KMT2C: variants seen among roughly 807,000 people sequenced by gnomAD.
KMT2C encodes lysine methyltransferase 2C, also known as histone-lysine N-methyltransferase 2C.
A neutral mutation model predicts 507.9 loss-of-function variants in KMT2C; 88 were observed. That is an observed-to-expected ratio of 0.17 (90% CI 0.15 to 0.21). The LOEUF (loss-of-function observed/expected upper bound fraction) is 0.21, where lower values mean the gene tolerates loss of function less well. KMT2C is among the 10% of genes least tolerant of loss of function. The probability of loss-of-function intolerance (pLI) is 1.00; values close to 1 mark genes in which losing one functional copy is unlikely to be tolerated. For synonymous variants in KMT2C, 2,049 were observed against 2,080.8 expected (o/e 0.98, Z 0.42); for missense variants, 4,954 against 5,957.8 (o/e 0.83, Z 5.55).
At chr7:152,309,287 T>C (rs1366364751) in intron 6 of KMT2C, among the ~76,000 whole-genome samples, 1 of 151,470 alleles carries the variant, frequency 6.6e-6, no homozygotes, top group African/African-American at 2.4e-5. Context: ...AGTAACATAC[T>C]ACATTCCAAT....
intron 1 of KMT2C, among the ~76,000 whole-genome samples, chr7:152,403,705 C>A (rs7456032): frequency 2.3e-3 from 286 of 125,536 alleles, no homozygotes; most frequent in East Asian, 7.1e-3. Flanking sequence ...TAAAGAAAAA[C>A]TGGGACACAT....
intron 3 of KMT2C, among the ~76,000 whole-genome samples, chr7:152,319,720 T>C (rs1287253038): frequency 1.3e-5 from 2 of 152,122 alleles, no homozygotes; most frequent in East Asian, 3.8e-4. Flanking sequence ...CGCCTTCATG[T>C]TTCATCCTGT....
intron 9 of KMT2C, among the ~76,000 whole-genome samples, chr7:152,256,276 G>A (rs2095660588): frequency 6.7e-6 from 1 of 150,344 alleles, no homozygotes; most frequent in Non-Finnish European, 1.5e-5. Context: ...AAATCCAGAA[G>A]CAAAAGAAGA....
At position 152,356,828 on chromosome 7, in the gene KMT2C, T is replaced by C. The variant is rs185622201; in HGVS notation, c.250+1759A>G. ...ATCACTGGAACCCGGGAGACAGAGATTGCAGTGAGCTGAGATCGCACCACT... is the reference window on the plus strand; with the variant it reads ...ATCACTGGAACCCGGGAGACAGAGACTGCAGTGAGCTGAGATCGCACCACT... On this transcript the variant is annotated intron_variant, in intron 2 of 58. Transcript: ENST00000262189. Among the ~76,000 whole-genome samples the C allele has an allele frequency of 8.0e-3, 1,208 of 150,716 alleles. 18 individuals carry two copies. The highest frequency in any genetic ancestry group is 0.028 in the African/African-American group (1,160 of 40,962).
At position 152,174,257 on chromosome 7, in the gene KMT2C, TA is replaced by T; in HGVS notation, c.9263-16del. 7.6e-7 allele frequency: 1 copy of T among 1,310,526 alleles called. No individual in the cohort carries two copies. The highest frequency in any genetic ancestry group is 1.2e-5 in the South Asian group (1 of 81,378). The allele number at this position is 1,310,526 out of a possible 1,614,324, so 81.2% of individuals were successfully genotyped here. ...TGCATCAAAATCTAGAAAAGAAATATAAAGTTACTTATTTCATAGTAATTAG... is the reference window on the plus strand; with the variant it reads ...TGCATCAAAATCTAGAAAAGAAATATAAGTTACTTATTTCATAGTAATTAG... On this transcript the variant is annotated splice_polypyrimidine_tract_variant and intron_variant, in intron 38 of 58. Transcript: ENST00000262189.
intron 1 of KMT2C, among the ~76,000 whole-genome samples, chr7:152,421,703 A>G (rs1301348446): frequency 6.6e-6 from 1 of 152,242 alleles, no homozygotes; most frequent in Admixed American, 6.5e-5. Context: ...ATGTGGACAC[A>G]GAGGGGACCA....
chr7:152,187,515 A>G (rs2129124907), intron 32 of KMT2C, 39 bp from the exon 33 acceptor site: 4 of 1,537,044 alleles, frequency 2.6e-6, no homozygotes, highest in Non-Finnish European at 3.6e-6. Flanking sequence ...TGAACATAAA[A>G]TAACTTCTTA....
At chr7:152,216,354 T>TA (rs1440037215) in intron 23 of KMT2C, among the ~76,000 whole-genome samples, 1 of 152,194 alleles carries the variant, frequency 6.6e-6, no homozygotes, top group African/African-American at 2.4e-5. Flanking sequence ...AAGGAAGCGG[T>TA]TATTAGAAGA....
intron 3 of KMT2C, among the ~76,000 whole-genome samples, chr7:152,324,946 G>T (rs1055749841): frequency 6.6e-6 from 1 of 151,926 alleles, no homozygotes; most frequent in South Asian, 2.1e-4. Context: ...AATGTTTATT[G>T]CAAGTAATCA....
chr7:152,302,514 C>A (rs1207696988), intron 6 of KMT2C, among the ~76,000 whole-genome samples: 1 of 151,566 alleles, frequency 6.6e-6, no homozygotes, highest in African/African-American at 2.4e-5. Flanking sequence ...GCCCAGCCAA[C>A]ACTGAACATT....
chr7:152,205,082 T>C (rs544556288), intron 25 of KMT2C, 24 bp downstream of exon 25: 2 of 1,432,580 alleles, frequency 1.4e-6, no homozygotes, highest in African/African-American at 1.5e-5. Flanking sequence ...AAAAAAAAAA[T>C]TTTTTTTTAA....
intron 23 of KMT2C, among the ~76,000 whole-genome samples, chr7:152,219,802 G>A (rs760189872): frequency 5.9e-5 from 9 of 152,012 alleles, no homozygotes; most frequent in Admixed American, 1.3e-4. Flanking sequence ...AGGAGTTCCA[G>A]ACCAGTCTGG....
At chr7:152,184,476 AT>A (rs1042446496) in intron 34 of KMT2C, among the ~76,000 whole-genome samples, 2 of 152,238 alleles carry the variant, frequency 1.3e-5, no homozygotes, top group Non-Finnish European at 2.9e-5. Context: ...ATCTTATAAA[AT>A]TACCTAATAG....
At chr7:152,208,402 G>A (rs67899229) in intron 23 of KMT2C, among the ~76,000 whole-genome samples, 1 of 152,178 alleles carries the variant, frequency 6.6e-6, no homozygotes, top group Non-Finnish European at 1.5e-5. Flanking sequence ...ATGTCAAACA[G>A]TTGTATGCTC....
At chr7:152,413,086 T>G (rs62495275) in intron 1 of KMT2C, among the ~76,000 whole-genome samples, 1 of 136,124 alleles carries the variant, frequency 7.3e-6, no homozygotes, top group Non-Finnish European at 1.6e-5. Flanking sequence ...AAAACAAAAC[T>G]AAACTAACAA....
intron 12 of KMT2C, among the ~76,000 whole-genome samples, chr7:152,250,419 A>C (rs981859142): frequency 6.6e-6 from 1 of 152,194 alleles, no homozygotes; most frequent in South Asian, 2.1e-4. Context: ...CAAGTACAAT[A>C]ATAGCTCTTA....
At chr7:152,370,109 G>A (rs1432995907) in intron 1 of KMT2C, among the ~76,000 whole-genome samples, 1 of 151,894 alleles carries the variant, frequency 6.6e-6, no homozygotes, top group Non-Finnish European at 1.5e-5. Flanking sequence ...CAGGAGAATG[G>A]CGTGAACCCT....
intron 42 of KMT2C, among the ~76,000 whole-genome samples, chr7:152,166,266 C>T (rs1464709944): frequency 6.6e-6 from 1 of 151,910 alleles, no homozygotes; most frequent in Non-Finnish European, 1.5e-5. Flanking sequence ...GGATTACAGG[C>T]ACACACCACC....
chr7:152,182,009 C>T lies in KMT2C; in HGVS notation c.5851G>A (p.Asp1951Asn), dbSNP rs781220804. The T allele has an allele frequency of 1.2e-5, 19 of 1,614,046 alleles. No individual in the cohort carries two copies. The highest frequency in any genetic ancestry group is 1.5e-5 in the Non-Finnish European group (18 of 1,180,024). The change falls in exon 36 of 59, where the codon GAT (aspartate) becomes AAT (asparagine). Residue 1951 changes from aspartate to asparagine, a missense_variant. Physicochemically the swap from Asp to Asn is conservative, Grantham distance 23. This residue lies in a region of KMT2C where 1,689 missense variants were observed against 1,654.3 expected (regional missense o/e 1.02). Transcript: ENST00000262189. The part of the protein sequence containing the change: ...TTANRPSPVR[D>N]LCSSSTTNND... Reference sequence around the variant, plus strand: ...TTTGTCGTGGAAGAAGAACATAAATCTCTGACAGGGGATGGCCTATTTGCT... The same window carrying T: ...TTTGTCGTGGAAGAAGAACATAAATTTCTGACAGGGGATGGCCTATTTGCT...
Sources: allele counts gnomAD v4.1 joint callset (sites outside exome capture counted in the v4.1 genomes callset), GRCh38; gene constraint gnomAD v4.1.1; regional missense constraint gnomAD v4.1.1; transcripts MANE v1.5; gene names NCBI Gene and HGNC (gene_info 2026-07-23, HGNC 2026-07-21).